The following SIM1 variants were observed in gnomAD, a reference collection of about 807,000 sequenced individuals.
SIM1 encodes single-minded homolog 1.
Under a neutral mutation model 78.2 loss-of-function variants are expected in SIM1, and 18 were observed. That is an observed-to-expected ratio of 0.23 (90% CI 0.16 to 0.34). The LOEUF is 0.34. SIM1 is among the 10% of genes least tolerant of loss of function. The probability of loss-of-function intolerance (pLI) is 1.00; values close to 1 mark genes in which losing one functional copy is unlikely to be tolerated. For synonymous variants in SIM1, 417 were observed against 385.2 expected (o/e 1.08, Z -0.97); for missense variants, 939 against 975.1 (o/e 0.96, Z 0.49).
At chr6:100,412,391 G>A (rs542307272) in intron 10 of SIM1, among the ~76,000 whole-genome samples, 1 of 151,426 alleles carries the variant, frequency 6.6e-6, no homozygotes, top group African/African-American at 2.4e-5. Flanking sequence ...ACAAAAATTA[G>A]CCAGCCGTGG....
At chr6:100,461,493 A>G (rs1187517307) in intron 2 of SIM1, among the ~76,000 whole-genome samples, 1 of 152,202 alleles carries the variant, frequency 6.6e-6, no homozygotes, top group Non-Finnish European at 1.5e-5. Context: ...CCCCACAAGC[A>G]ACACCATATG....
rs1770517911 is a variant in SIM1, at chr6:100,386,522, T to C, written c.*3839A>G. On this transcript the variant is annotated 3_prime_UTR_variant, in exon 12 of 12. Coordinates refer to ENST00000369208, the MANE Select transcript of SIM1 (RefSeq NM_005068.3). The stretch of plus-strand genomic sequence containing the variant: ...GGAAATCTTGTATTTCATTTTAAAA[T>C]ATATATGCATATTTTCCAAATGGTC... 6.6e-6 allele frequency: 1 copy of C among 152,084 alleles called. No homozygotes were observed. The highest frequency in any genetic ancestry group is 1.5e-5 in the Non-Finnish European group (1 of 67,948). The allele number at this position is 152,084 out of a possible 1,614,324, so 9.4% of individuals were successfully genotyped here.
At chr6:100,447,011 G>C (rs1582315664) in intron 9 of SIM1, among the ~76,000 whole-genome samples, 1 of 152,234 alleles carries the variant, frequency 6.6e-6, no homozygotes, top group Non-Finnish European at 1.5e-5. Context: ...GGTTAAGAGA[G>C]AAAAAGAAAG....
intron 9 of SIM1, among the ~76,000 whole-genome samples, chr6:100,445,188 A>T (rs1252832466): frequency 6.6e-6 from 1 of 152,190 alleles, no homozygotes; most frequent in African/African-American, 2.4e-5. Context: ...CATTATGAAA[A>T]TCCTGTCAAC....
chr6:100,457,775 G>C (rs1046098563), intron 2 of SIM1, among the ~76,000 whole-genome samples: 3 of 152,194 alleles, frequency 2.0e-5, no homozygotes, highest in African/African-American at 7.2e-5. Flanking sequence ...GCCCTCTCCG[G>C]CTAAGGAGCC....
At chr6:100,401,881 CTG>C (rs1353385840) in intron 10 of SIM1, among the ~76,000 whole-genome samples, 3 of 152,220 alleles carry the variant, frequency 2.0e-5, no homozygotes, top group Non-Finnish European at 2.9e-5. Context: ...TTATTTCTGA[CTG>C]TTAATATTTT....
chr6:100,455,681 T>G (rs986339994), intron 2 of SIM1, among the ~76,000 whole-genome samples: 1 of 152,106 alleles, frequency 6.6e-6, no homozygotes, highest in Non-Finnish European at 1.5e-5. Context: ...ACCCCAAAGA[T>G]TGGCGGGGAC....
chr6:100,462,018 TG>T (rs1321212600), intron 2 of SIM1, among the ~76,000 whole-genome samples: 2 of 152,052 alleles, frequency 1.3e-5, no homozygotes, highest in Non-Finnish European at 1.5e-5. Context: ...TCCTTTAGCT[TG>T]GAGCATGTTT....
At chr6:100,462,246 A>C (rs1772875092) in intron 2 of SIM1, among the ~76,000 whole-genome samples, 1 of 152,210 alleles carries the variant, frequency 6.6e-6, no homozygotes, top group Non-Finnish European at 1.5e-5. Context: ...GTAAATAAAC[A>C]CAATTCTTTC....
chr6:100,403,796 C>T (rs1048567822), intron 10 of SIM1, among the ~76,000 whole-genome samples: 1 of 152,172 alleles, frequency 6.6e-6, no homozygotes, highest in African/African-American at 2.4e-5. Flanking sequence ...GCTATGCATT[C>T]GTCACTATGC....
chr6:100,463,541 A>G lies in SIM1; in HGVS notation c.-73T>C, dbSNP rs772674528. 2.9e-6 allele frequency: 4 copies of G among 1,398,074 alleles called. No homozygotes were observed. The South Asian group carries it at 5.4e-5, about 19-fold the overall frequency. The allele number at this position is 1,398,074 out of a possible 1,614,324, so 86.6% of individuals were successfully genotyped here. A position where few individuals can be genotyped will look rare whatever the true frequency, so the allele number is the denominator to read the frequency against. ...ATCCAAAACCAAAAATAAACTTTCA[A>G]TTAGAGATCATATTTGGCAAAAACA... is the stretch of plus-strand genomic sequence containing the variant. On this transcript the variant is annotated 5_prime_UTR_variant, in exon 2 of 12. Coordinates refer to ENST00000369208, the MANE Select transcript of SIM1 (RefSeq NM_005068.3).
intron 9 of SIM1, among the ~76,000 whole-genome samples, chr6:100,440,532 G>T (rs767933): frequency 6.6e-6 from 1 of 152,020 alleles, no homozygotes; most frequent in African/African-American, 2.4e-5. Flanking sequence ...CCCTCTTCCC[G>T]GCCAGCTCCC....
At chr6:100,396,447 A>G (rs1007032139) in intron 10 of SIM1, among the ~76,000 whole-genome samples, 5 of 152,142 alleles carry the variant, frequency 3.3e-5, no homozygotes, top group Non-Finnish European at 5.9e-5. Flanking sequence ...TGAAAATTCA[A>G]CAAGAGACAA....
chr6:100,424,004 G>A (rs1404898258), intron 9 of SIM1, among the ~76,000 whole-genome samples: 10 of 152,030 alleles, frequency 6.6e-5, no homozygotes, highest in Admixed American at 6.6e-4. Flanking sequence ...GGGATTTTAT[G>A]GCTATAAGCA....
At chr6:100,441,039 C>T (rs570967614) in intron 9 of SIM1, among the ~76,000 whole-genome samples, 4 of 152,180 alleles carry the variant, frequency 2.6e-5, no homozygotes, top group Admixed American at 6.5e-5. Context: ...TATTTTTCTA[C>T]AATGTGAGTC....
chr6:100,387,454 T>C lies in SIM1; in HGVS notation c.*2907A>G, dbSNP rs780479889. The C allele has an allele frequency of 1.3e-5, 2 of 152,060 alleles. No homozygotes were observed. Among genetic ancestry groups the C allele is most frequent in the Non-Finnish European group, 2.9e-5 (2 of 67,928 alleles). 9.4% of individuals were successfully genotyped at this position (152,060 alleles called of 1,614,324 possible). A position where few individuals can be genotyped will look rare whatever the true frequency, so the allele number is the denominator to read the frequency against. On this transcript the variant is annotated 3_prime_UTR_variant, in exon 12 of 12. Transcript: ENST00000369208. ...ATAAACACATTTTAACACATTCACATGTATATTAAGAAAGTACATTGTCAT... is the reference window on the plus strand; with the variant it reads ...ATAAACACATTTTAACACATTCACACGTATATTAAGAAAGTACATTGTCAT...
At chr6:100,412,596 A>AAAGG (rs1771233842) in intron 10 of SIM1, among the ~76,000 whole-genome samples, 1 of 114,296 alleles carries the variant, frequency 8.7e-6, no homozygotes, top group Non-Finnish European at 1.8e-5. Context: ...AGAAAGAAAG[A>AAAGG]AAGAAAGAAA....
chr6:100,439,630 A>G (rs971905991), intron 9 of SIM1, among the ~76,000 whole-genome samples: 1 of 152,210 alleles, frequency 6.6e-6, no homozygotes, highest in Admixed American at 6.5e-5. Context: ...AGGAATATAC[A>G]AAAGGCTCCA....
At chr6:100,446,969 TAA>T (rs1283608949) in intron 9 of SIM1, among the ~76,000 whole-genome samples, 2 of 152,334 alleles carry the variant, frequency 1.3e-5, no homozygotes, top group South Asian at 2.1e-4. Context: ...TCTGCCGCAT[TAA>T]GTTTTATTTA....
Sources: gnomAD v4.1 joint callset for allele counts (sites outside exome capture counted in the v4.1 genomes callset) on GRCh38, gnomAD v4.1.1 for gene constraint, MANE v1.5 for transcripts, NCBI Gene and HGNC (gene_info 2026-07-23, HGNC 2026-07-21) for gene names.